Variants in AP2A2 observed in about 807,000 individuals in gnomAD.
The protein encoded by AP2A2 is adaptor related protein complex 2 subunit alpha 2.
In AP2A2, 32 loss-of-function variants were observed where a neutral mutation model predicts 104.2. The observed-to-expected ratio is 0.31, with a 90% CI of 0.23 to 0.41. The LOEUF is 0.41. Among genes scored for constraint, AP2A2 ranks in the 10% least tolerant of loss-of-function variants. The probability of loss-of-function intolerance (pLI) is 1.00; values close to 1 mark genes in which losing one functional copy is unlikely to be tolerated. For missense variants in AP2A2, 912 were observed against 1,261.0 expected, an observed-to-expected ratio of 0.72 and a Z score of 4.19; for synonymous variants, 539 against 533.3, an observed-to-expected ratio of 1.01 and a Z score of -0.15.
chr11:928,779 G>T (rs572937556), intron 1 of AP2A2, among the ~76,000 whole-genome samples: 3 of 152,226 alleles, frequency 2.0e-5, no homozygotes, highest in African/African-American at 7.2e-5. Flanking sequence ...TCTTTAATAC[G>T]GCCCCTTTCT....
intron 1 of AP2A2, among the ~76,000 whole-genome samples, chr11:928,333 C>T (rs1853183410): frequency 1.3e-5 from 2 of 152,172 alleles, no homozygotes; most frequent in African/African-American, 4.8e-5. Context: ...TCTTACTGTG[C>T]CTAATCTGTA....
At chr11:970,810 G>T (rs919107398) in intron 3 of AP2A2, among the ~76,000 whole-genome samples, 3 of 152,204 alleles carry the variant, frequency 2.0e-5, no homozygotes, top group Non-Finnish European at 4.4e-5. Flanking sequence ...CTTTGTTTCT[G>T]CAGTAGGCGC....
Position 994,202 on chromosome 11 carries a change from T to G in AP2A2, c.1913T>G (p.Val638Gly). The part of the protein sequence containing the change: ...EDTKRDRSVD[V>G]NGGPEPAPAS... Reference sequence around the variant, plus strand: ...ACCAAGCGGGACAGGAGTGTGGACGTGAACGGGGGTCCTGAGCCTGCCCCA... The same window carrying G: ...ACCAAGCGGGACAGGAGTGTGGACGGGAACGGGGGTCCTGAGCCTGCCCCA... Residue 638 changes from valine (V) to glycine (G), a missense_variant, in exon 14 of 22, where the codon GTG (valine) becomes GGG (glycine). Val to Gly is a moderately radical substitution (Grantham distance 109). Around this residue, in one of 7 missense-constraint regions of AP2A2, gnomAD observed 105 missense variants for 90.9 expected, o/e 1.16. Coordinates refer to ENST00000448903, the MANE Select transcript of AP2A2 (RefSeq NM_012305.4). The G allele has an allele frequency of 6.2e-7, 1 of 1,612,872 alleles. No individual in the cohort carries two copies. Among genetic ancestry groups the G allele is most frequent in the Non-Finnish European group, 8.5e-7 (1 of 1,179,838 alleles).
intron 14 of AP2A2, among the ~76,000 whole-genome samples, chr11:999,888 C>T (rs1185590525): frequency 6.6e-6 from 1 of 150,808 alleles, no homozygotes; most frequent in Non-Finnish European, 1.5e-5. Flanking sequence ...ACTGCAAGCT[C>T]CGCCTCCCGG....
At position 1,009,310 on chromosome 11, in the gene AP2A2, C is replaced by G; in HGVS notation, c.2538-18C>G. 6.2e-7 allele frequency: 1 copy of G among 1,613,252 alleles called. No homozygotes were observed. Among genetic ancestry groups the G allele is most frequent in the South Asian group, 1.1e-5 (1 of 91,054 alleles). Reference sequence around the variant, plus strand: ...CTCTGGCCTGGCTGAGAACACTCGCCTTTGCTGTTTCTCACAGTCCACAGC... The same window carrying G: ...CTCTGGCCTGGCTGAGAACACTCGCGTTTGCTGTTTCTCACAGTCCACAGC... On this transcript the variant is annotated intron_variant, in intron 19 of 21. Coordinates refer to ENST00000448903, the MANE Select transcript of AP2A2 (RefSeq NM_012305.4).
chr11:993,491 G>A lies in AP2A2; in HGVS notation c.1550+110G>A, dbSNP rs979584136. On this transcript the variant is annotated intron_variant, in intron 12 of 21. Coordinates refer to ENST00000448903, the MANE Select transcript of AP2A2 (RefSeq NM_012305.4). The surrounding 1 kb of genome is among the most constrained non-coding windows in gnomAD (Gnocchi z 8.2). The stretch of plus-strand genomic sequence containing the variant: ...CCCTGCCGTGAGGCCTCGCAGAGCC[G>A]CTTCTGCTCCCCATCGGCGTCTTTT... 8 of 801,846 alleles carry A rather than the reference G, an allele frequency of 1.0e-5. No individual in the cohort carries two copies. Among genetic ancestry groups the A allele is most frequent in the African/African-American group, 3.5e-5 (2 of 57,072 alleles). 49.7% of individuals were successfully genotyped at this position (801,846 alleles called of 1,614,324 possible).
intron 1 of AP2A2, among the ~76,000 whole-genome samples, chr11:957,640 A>G (rs1180875275): frequency 3.3e-5 from 5 of 152,246 alleles, no homozygotes; most frequent in African/African-American, 4.8e-5. Flanking sequence ...GATGAAAACC[A>G]GTATGTATGT....
intron 1 of AP2A2, among the ~76,000 whole-genome samples, chr11:933,854 C>T (rs1853367122): frequency 6.6e-6 from 1 of 152,138 alleles, no homozygotes; most frequent in Non-Finnish European, 1.5e-5. Flanking sequence ...GAACTTGTAT[C>T]TTCTGTTCAG....
intron 3 of AP2A2, 134 bp from the exon 4 acceptor site, chr11:971,928 A>G (rs1854844942): frequency 2.5e-6 from 2 of 812,648 alleles, no homozygotes; most frequent in Non-Finnish European, 3.8e-6. Context: ...CCGCTCCCAC[A>G]GCAGTGCCCT....
chr11:959,929 A>G (rs1414560658), intron 2 of AP2A2, among the ~76,000 whole-genome samples: 1 of 152,190 alleles, frequency 6.6e-6, no homozygotes, highest in Non-Finnish European at 1.5e-5. Context: ...GCCTTCCCTG[A>G]ACATCCTTAC....
At chr11:988,955 A>G (rs1855554386) in intron 10 of AP2A2, 1 of 500,592 alleles carries the variant, frequency 2.0e-6, no homozygotes, top group Admixed American at 3.2e-5. Flanking sequence ...AGATCATGTC[A>G]CTGCACTCTA....
At position 993,993 on chromosome 11, in the gene AP2A2, G is replaced by GCC. The variant is rs747946088; in HGVS notation, c.1782+12_1782+13dup. 9 of 1,609,424 alleles carry GCC rather than the reference G, an allele frequency of 5.6e-6. No homozygotes were observed. On this transcript the variant is annotated intron_variant, in intron 13 of 21. Coordinates refer to ENST00000448903, the MANE Select transcript of AP2A2 (RefSeq NM_012305.4). The surrounding 1 kb of genome is among the most constrained non-coding windows in gnomAD (Gnocchi z 8.2). ...GCCAGCACCGACATTCTGGTAGGAGGCCCCCGCCCTTCGGGCTGGCTTGGC... is the reference window on the plus strand; with the variant it reads ...GCCAGCACCGACATTCTGGTAGGAGGCCCCCCCGCCCTTCGGGCTGGCTTGGC...
intron 15 of AP2A2, among the ~76,000 whole-genome samples, chr11:1,002,634 C>A (rs1309946992): frequency 6.6e-6 from 1 of 152,258 alleles, no homozygotes; most frequent in East Asian, 1.9e-4. Context: ...GAGCCAAGGG[C>A]CGCCTGTCAC....
intron 2 of AP2A2, among the ~76,000 whole-genome samples, chr11:962,866 A>C (rs1246208106): frequency 6.6e-6 from 1 of 152,058 alleles, no homozygotes; most frequent in Non-Finnish European, 1.5e-5. Context: ...TTTGTTGAGC[A>C]CGCGCGTACC....
intron 5 of AP2A2, among the ~76,000 whole-genome samples, chr11:977,687 G>C (rs915823007): frequency 1.3e-5 from 2 of 151,888 alleles, no homozygotes; most frequent in Non-Finnish European, 2.9e-5. Flanking sequence ...AGGCACGTGT[G>C]GGGGAGGGGC....
intron 2 of AP2A2, 23 bp downstream of exon 2, chr11:959,528 A>G (rs772115070): frequency 1.4e-6 from 2 of 1,459,340 alleles, no homozygotes; most frequent in South Asian, 2.4e-5. Flanking sequence ...AACCTTTTCC[A>G]TGAAATGTCC....
intron 10 of AP2A2, among the ~76,000 whole-genome samples, chr11:990,644 C>T (rs1343831691): frequency 6.6e-6 from 1 of 152,098 alleles, no homozygotes; most frequent in African/African-American, 2.4e-5. Context: ...CCCCCCAGCC[C>T]GTCCTTTCAG....
In AP2A2 at chr11:986,922, C is replaced by T. The variant is rs774701302; in HGVS notation, c.1100C>T (p.Thr367Met). 5.0e-6 allele frequency: 8 copies of T among 1,598,694 alleles called. No homozygotes were observed. Among genetic ancestry groups the T allele is most frequent in the East Asian group, 2.3e-5 (1 of 44,134 alleles). The change falls in exon 9 of 22, where the codon ACG becomes ATG. Residue 367 changes from threonine (T) to methionine (M), a missense_variant. This residue lies in a region of AP2A2 where 350 missense variants were observed against 487.0 expected (regional missense o/e 0.72). Transcript: ENST00000448903. Reference sequence around the variant, plus strand: ...GAGTTCTCCCATGAGGCTGTCAAGACGCACATCGAGACGGTCATCAACGCC... The same window carrying T: ...GAGTTCTCCCATGAGGCTGTCAAGATGCACATCGAGACGGTCATCAACGCC... ...SSEFSHEAVK[T>M]HIETVINALK...
intron 15 of AP2A2, among the ~76,000 whole-genome samples, chr11:1,003,173 C>A (rs759486137): frequency 2.6e-5 from 4 of 152,240 alleles, no homozygotes; most frequent in Non-Finnish European, 5.9e-5. Flanking sequence ...AAACCCTGGG[C>A]TCCCTGTGCG....
Sources: gnomAD v4.1 joint callset for allele counts (sites outside exome capture counted in the v4.1 genomes callset) on GRCh38, gnomAD v4.1.1 for gene constraint, gnomAD v4.1.1 regional missense constraint, Gnocchi (gnomAD v3.1) non-coding constraint, MANE v1.5 for transcripts, NCBI Gene and HGNC (gene_info 2026-07-23, HGNC 2026-07-21) for gene names.